Variants in FREM2 observed in about 807,000 individuals in gnomAD.
The protein encoded by FREM2 is FRAS1-related extracellular matrix protein 2.
FREM2 carries 119 observed loss-of-function variants against 219.9 expected under a neutral mutation model. The ratio of observed to expected loss-of-function variants is 0.54; its 90% CI spans 0.47 to 0.63. The LOEUF is 0.63. Ranked by LOEUF, FREM2 falls within the 30% of genes least tolerant of loss-of-function variation. The pLI, the probability that FREM2 is intolerant of heterozygous loss-of-function variation, is 0.00. For synonymous variants in FREM2, 1,562 were observed against 1,522.8 expected (o/e 1.03, Z -0.60); for missense variants, 4,030 against 3,993.6 (o/e 1.01, Z -0.25).
At chr13:38,759,981 CTCAAA>C (rs1365282002) in intron 2 of FREM2, among the ~76,000 whole-genome samples, 2 of 152,182 alleles carry the variant, frequency 1.3e-5, no homozygotes, top group Non-Finnish European at 2.9e-5. Context: ...AGCTTGGTTC[CTCAAA>C]TCTCTATATC....
intron 2 of FREM2, among the ~76,000 whole-genome samples, chr13:38,713,163 C>T (rs1299561202): frequency 6.6e-6 from 1 of 152,310 alleles, no homozygotes; most frequent in African/African-American, 2.4e-5. Context: ...GTCTCCCCAA[C>T]CTCAAATTCC....
chr13:38,734,396 A>G (rs909239682), intron 2 of FREM2, among the ~76,000 whole-genome samples: 2 of 152,168 alleles, frequency 1.3e-5, no homozygotes, highest in Non-Finnish European at 2.9e-5. Flanking sequence ...TTCAGCTATG[A>G]AATACTTTAT....
chr13:38,877,494 T>C (rs1340280523), intron 21 of FREM2, among the ~76,000 whole-genome samples: 1 of 152,162 alleles, frequency 6.6e-6, no homozygotes, highest in Non-Finnish European at 1.5e-5. Context: ...CAAGTCTAGA[T>C]GATTTTCTCG....
At chr13:38,814,892 G>T (rs1875700591) in intron 6 of FREM2, among the ~76,000 whole-genome samples, 1 of 152,182 alleles carries the variant, frequency 6.6e-6, no homozygotes. Context: ...ACCAATGTTG[G>T]CATAAAGCCC....
rs756135304 is a variant in FREM2 at position 38,850,028 on chromosome 13, G to GT, written c.6380-5dup. The GT allele has an allele frequency of 1.9e-6, 3 of 1,611,386 alleles. No individual in the cohort carries two copies. In the East Asian group the frequency reaches 6.7e-5, roughly 36 times the overall value. On this transcript the variant is annotated splice_polypyrimidine_tract_variant and intron_variant, in intron 8 of 23. Coordinates refer to ENST00000280481, the MANE Select transcript of FREM2 (RefSeq NM_207361.6). ...AAATTTCTGTTCACTTTAATCCTTT[G>GT]TTTTTGCAGTGCCTAAGATGCAATT...
chr13:38,736,962 G>A (rs1423569907), intron 2 of FREM2, among the ~76,000 whole-genome samples: 2 of 151,310 alleles, frequency 1.3e-5, no homozygotes, highest in Admixed American at 1.3e-4. Flanking sequence ...TGGCTCAAAT[G>A]TTCCTACCCC....
At chr13:38,843,599 A>G (rs1474847400) in intron 6 of FREM2, among the ~76,000 whole-genome samples, 1 of 152,194 alleles carries the variant, frequency 6.6e-6, no homozygotes, top group African/African-American at 2.4e-5. Context: ...CTCTTGCTTT[A>G]GTACTCATTA....
chr13:38,786,610 G>T (rs1342387622), intron 6 of FREM2, among the ~76,000 whole-genome samples: 1 of 151,994 alleles, frequency 6.6e-6, no homozygotes, highest in African/African-American at 2.4e-5. Flanking sequence ...AATTGTTACA[G>T]GTAGAAAGAA....
Position 38,690,274 on chromosome 13 carries a change from A to G in FREM2, c.2930A>G (p.Asp977Gly), listed in dbSNP as rs753520605. 13 of 1,614,080 alleles carry G rather than the reference A, an allele frequency of 8.1e-6. No homozygotes were observed. The highest frequency in any genetic ancestry group is 1.1e-5 in the Non-Finnish European group (13 of 1,180,018). Residue 977 changes from aspartate (D) to glycine (G), a missense_variant, in exon 1 of 24, where the codon GAT (aspartate) becomes GGT (glycine). By Grantham distance (94) the Asp-to-Gly change is moderately conservative (BLOSUM62 -1). Transcript: ENST00000280481. ...ATTAAGGGGACCAATGAGGAAACTG[A>G]TGACTTGATGTTGACTTTCCTCTTG... Reference protein sequence around the residue: ...NVIKGTNEETDDLMLTFLLED... With the variant: ...NVIKGTNEETGDLMLTFLLED...
chr13:38,768,464 A>G (rs983801741), intron 3 of FREM2, among the ~76,000 whole-genome samples: 1 of 151,924 alleles, frequency 6.6e-6, no homozygotes, highest in Admixed American at 6.6e-5. Context: ...TTTTGTAGAG[A>G]TGGGGTTTCA....
chr13:38,864,263 G>A lies in FREM2; in HGVS notation c.7652-12G>A, dbSNP rs371011727. The A allele has an allele frequency of 5.8e-5, 93 of 1,603,404 alleles. 1 individual carries two copies. In the Middle Eastern group the frequency reaches 8.3e-4, roughly 14 times the overall value. The stretch of plus-strand genomic sequence containing the variant: ...TTGAAAGACTGTTAACAATGATTTC[G>A]ATTTATCATAGGCATGCTCCCCGTG... On this transcript the variant is annotated splice_polypyrimidine_tract_variant and intron_variant, in intron 15 of 23. Transcript: ENST00000280481.
intron 2 of FREM2, among the ~76,000 whole-genome samples, chr13:38,748,846 A>T (rs2255585): frequency 1 from 151,582 of 152,302 alleles, 75,439 homozygotes; most frequent in Middle Eastern, 1. Flanking sequence ...GGATGCTGTG[A>T]GCTCTATGTT....
At chr13:38,847,936 G>A (rs749578825) in intron 7 of FREM2, among the ~76,000 whole-genome samples, 1 of 152,104 alleles carries the variant, frequency 6.6e-6, no homozygotes, top group Non-Finnish European at 1.5e-5. Context: ...CATTGCCTGG[G>A]ACAAAGGTGG....
chr13:38,799,059 G>A (rs916756129), intron 6 of FREM2, among the ~76,000 whole-genome samples: 6 of 151,682 alleles, frequency 4.0e-5, no homozygotes, highest in Admixed American at 6.6e-5. Context: ...TCCCTGAGGC[G>A]CATCATTATG....
At chr13:38,753,818 A>G (rs1872873733) in intron 2 of FREM2, among the ~76,000 whole-genome samples, 1 of 152,214 alleles carries the variant, frequency 6.6e-6, no homozygotes, top group Middle Eastern at 3.2e-3. Flanking sequence ...GCTCCCAATT[A>G]GGAAAGTACA....
At chr13:38,879,061 T>C in intron 23 of FREM2, 84 bp downstream of exon 23, 4 of 1,225,156 alleles carry the variant, frequency 3.3e-6, no homozygotes, top group Non-Finnish European at 3.6e-6. Context: ...ATGTCTCATA[T>C]GTAAATAGCA....
intron 18 of FREM2, among the ~76,000 whole-genome samples, chr13:38,875,309 A>G (rs1219583722): frequency 2.6e-5 from 4 of 152,138 alleles, no homozygotes; most frequent in African/African-American, 9.7e-5. Context: ...AGTTCACTCA[A>G]CATCTTTATA....
chr13:38,866,483 G>A (rs1307098596), intron 16 of FREM2, among the ~76,000 whole-genome samples: 2 of 151,498 alleles, frequency 1.3e-5, no homozygotes, highest in African/African-American at 2.4e-5. Context: ...AGGCAACAGA[G>A]CGAGACTCTG....
intron 2 of FREM2, 71 bp downstream of exon 2, chr13:38,697,858 A>G: frequency 1.2e-6 from 1 of 852,190 alleles, no homozygotes; most frequent in Non-Finnish European, 2.0e-6. Context: ...TGATGACATT[A>G]TTACAAGAAG....
Sources: gnomAD v4.1 joint callset for allele counts (sites outside exome capture counted in the v4.1 genomes callset) on GRCh38, gnomAD v4.1.1 for gene constraint, MANE v1.5 for transcripts, NCBI Gene and HGNC (gene_info 2026-07-23, HGNC 2026-07-21) for gene names.